CNNM4: variants seen among roughly 807,000 people sequenced by gnomAD.
CNNM4 encodes the protein metal transporter CNNM4.
In CNNM4, 32 loss-of-function variants were observed where a neutral mutation model predicts 53.7. The observed-to-expected ratio is 0.60, with a 90% confidence interval of 0.45 to 0.80. The LOEUF (loss-of-function observed/expected upper bound fraction) is 0.80. Ranked by LOEUF, CNNM4 falls within the 30% of genes least tolerant of loss-of-function variation. CNNM4 has a pLI of 0.00. For missense variants in CNNM4, 784 were observed against 1,022.0 expected (o/e 0.77, Z 3.17); for synonymous variants, 410 against 440.0 (o/e 0.93, Z 0.85).
Position 96,801,596 on chromosome 2 carries a change from ACACACACAGAGAC to A in CNNM4, c.1948+1967_1948+1979del, listed in dbSNP as rs532217109. On this transcript the variant is annotated intron_variant, in intron 5 of 6. Coordinates refer to ENST00000377075, the MANE Select transcript of CNNM4 (RefSeq NM_020184.4). The surrounding 1 kb of genome is among the most constrained non-coding windows in gnomAD (Gnocchi z 5.6). ...GAGATAGCACACACACAGAGAGACC[ACACACACAGAGAC>A]CACACACAGAGACCACACGCAGAGA... is the stretch of plus-strand genomic sequence containing the variant. Among the ~76,000 whole-genome samples, 147 of 150,016 alleles carry A rather than the reference ACACACACAGAGAC, an allele frequency of 9.8e-4. 2 individuals carry two copies. Among genetic ancestry groups the A allele is most frequent in the African/African-American group, 3.3e-3 (134 of 40,630 alleles).
At chr2:96,779,003 C>T (rs1199800745) in intron 1 of CNNM4, among the ~76,000 whole-genome samples, 1 of 152,054 alleles carries the variant, frequency 6.6e-6, no homozygotes, top group Non-Finnish European at 1.5e-5. Flanking sequence ...GTTGCCCAGG[C>T]TGGAGTGCAG....
At chr2:96,805,997 G>T (rs2079201139) in intron 5 of CNNM4, among the ~76,000 whole-genome samples, 1 of 151,082 alleles carries the variant, frequency 6.6e-6, no homozygotes, top group African/African-American at 2.4e-5. Context: ...CCGGGCAGAG[G>T]GGCTCCTCAC....
chr2:96,807,801 A>G (rs1441979508), intron 5 of CNNM4, among the ~76,000 whole-genome samples: 1 of 152,168 alleles, frequency 6.6e-6, no homozygotes, highest in African/African-American at 2.4e-5. Flanking sequence ...AGTGCAAACT[A>G]TACATTCTTC....
In CNNM4 at chr2:96,810,587, C is replaced by G. The variant is rs1011076502; in HGVS notation, c.*1070C>G. On this transcript the variant is annotated 3_prime_UTR_variant, in exon 7 of 7. Coordinates refer to ENST00000377075, the MANE Select transcript of CNNM4 (RefSeq NM_020184.4). This position sits in a 1 kb window ranked among gnomAD's most constrained non-coding sequence, Gnocchi z 4.1. ...TTGACTGAAGCCTTTTTCCCAGACCCCTTATTTCGAATCCCCAAGCTTCAG... is the reference window on the plus strand; with the variant it reads ...TTGACTGAAGCCTTTTTCCCAGACCGCTTATTTCGAATCCCCAAGCTTCAG... 2 of 152,574 alleles carry G rather than the reference C, an allele frequency of 1.3e-5. No homozygotes were observed. Among genetic ancestry groups the G allele is most frequent in the African/African-American group, 4.8e-5 (2 of 41,428 alleles). 9.5% of individuals were successfully genotyped at this position (152,574 alleles called of 1,614,324 possible).
chr2:96,780,065 G>A (rs2078960572), intron 1 of CNNM4, among the ~76,000 whole-genome samples: 1 of 152,124 alleles, frequency 6.6e-6, no homozygotes, highest in South Asian at 2.1e-4. Flanking sequence ...CTCCCAAAGT[G>A]CTGGGGTTAC....
intron 1 of CNNM4, among the ~76,000 whole-genome samples, chr2:96,789,951 G>C (rs2079046043): frequency 1.1e-5 from 1 of 87,020 alleles, no homozygotes; most frequent in Non-Finnish European, 2.2e-5. Flanking sequence ...CCCCGCCCCC[G>C]GCCCTCCAAA....
intron 1 of CNNM4, among the ~76,000 whole-genome samples, chr2:96,790,664 GTT>G (rs1324476055): frequency 6.9e-6 from 1 of 143,994 alleles, no homozygotes; most frequent in Admixed American, 6.9e-5. Context: ...TAATGGATGT[GTT>G]TTTTTTTTCT....
chr2:96,762,909 C>A (rs2078778769), intron 1 of CNNM4, among the ~76,000 whole-genome samples: 1 of 151,922 alleles, frequency 6.6e-6, no homozygotes. Context: ...AGCAGGTGGT[C>A]CTGTTTGGTG....
intron 1 of CNNM4, among the ~76,000 whole-genome samples, chr2:96,776,539 C>T (rs2078926035): frequency 6.6e-6 from 1 of 152,186 alleles, no homozygotes; most frequent in South Asian, 2.1e-4. Flanking sequence ...ACCATTATCA[C>T]CTACTGATCT....
intron 1 of CNNM4, among the ~76,000 whole-genome samples, chr2:96,791,253 C>T (rs886465728): frequency 1.3e-5 from 2 of 152,084 alleles, no homozygotes; most frequent in Non-Finnish European, 2.9e-5. Flanking sequence ...CAGGTGTAAG[C>T]CACAGCGCCC....
intron 1 of CNNM4, among the ~76,000 whole-genome samples, chr2:96,783,653 C>T (rs1445774076): frequency 1.3e-5 from 2 of 152,184 alleles, no homozygotes; most frequent in Non-Finnish European, 2.9e-5. Context: ...TATTAGGGAA[C>T]TTCAGAAAGT....
intron 5 of CNNM4, among the ~76,000 whole-genome samples, chr2:96,805,440 A>AATTTTTTTTT (rs2079194974): frequency 2.2e-4 from 19 of 87,392 alleles, no homozygotes; most frequent in South Asian, 4.2e-4. Context: ...TTTTTTTTTT[A>AATTTTTTTTT]TTATTTTTTT....
chr2:96,762,971 C>T lies in CNNM4; in HGVS notation c.1402+570C>T, dbSNP rs537656316. On this transcript the variant is annotated intron_variant, in intron 1 of 6. Coordinates refer to ENST00000377075, the MANE Select transcript of CNNM4 (RefSeq NM_020184.4). ...TCAATGGCTGGAGTAGTTTGGGGCCCGGTGGTGGACGCTAAGTTTGCTCCC... is the reference window on the plus strand; with the variant it reads ...TCAATGGCTGGAGTAGTTTGGGGCCTGGTGGTGGACGCTAAGTTTGCTCCC... Among the ~76,000 whole-genome samples, 258 of 152,038 alleles carry T rather than the reference C, an allele frequency of 1.7e-3. 1 individual carries two copies. The highest frequency in any genetic ancestry group is 5.9e-3 in the African/African-American group (246 of 41,480).
intron 3 of CNNM4, 48 bp from the exon 4 acceptor site, chr2:96,799,009 G>A (rs2079132477): frequency 6.3e-7 from 1 of 1,596,120 alleles, no homozygotes; most frequent in Non-Finnish European, 8.6e-7. Context: ...CGAGCTTTAG[G>A]GCCACCTGGC....
At chr2:96,805,440 A>AATTTTTTTTTTTTTTTTT (rs2079194974) in intron 5 of CNNM4, among the ~76,000 whole-genome samples, 6 of 87,478 alleles carry the variant, frequency 6.9e-5, no homozygotes, top group Non-Finnish European at 1.3e-4. Context: ...TTTTTTTTTT[A>AATTTTTTTTTTTTTTTTT]TTATTTTTTT....
At chr2:96,784,077 T>A (rs1205838284) in intron 1 of CNNM4, among the ~76,000 whole-genome samples, 1 of 152,130 alleles carries the variant, frequency 6.6e-6, no homozygotes, top group African/African-American at 2.4e-5. Context: ...AGAAAAAAAC[T>A]CTGTCTCTAC....
chr2:96,764,337 C>T (rs921356109), intron 1 of CNNM4, among the ~76,000 whole-genome samples: 1 of 152,170 alleles, frequency 6.6e-6, no homozygotes, highest in African/African-American at 2.4e-5. Flanking sequence ...GAGCCAGAGT[C>T]CCCAGGTTCA....
chr2:96,791,560 G>A (rs1423548285), intron 1 of CNNM4, among the ~76,000 whole-genome samples: 1 of 150,818 alleles, frequency 6.6e-6, no homozygotes, highest in Non-Finnish European at 1.5e-5. Context: ...CTGCACTTGA[G>A]CCTGGGCAAA....
intron 1 of CNNM4, among the ~76,000 whole-genome samples, chr2:96,787,509 G>A (rs2079025487): frequency 1.3e-5 from 2 of 152,018 alleles, no homozygotes; most frequent in South Asian, 4.1e-4. Context: ...CTTTTCTCCT[G>A]CAATTTAATA....
Sources: gnomAD v4.1 joint callset for allele counts (sites outside exome capture counted in the v4.1 genomes callset) on GRCh38, gnomAD v4.1.1 for gene constraint, Gnocchi (gnomAD v3.1) non-coding constraint, MANE v1.5 for transcripts, NCBI Gene and HGNC (gene_info 2026-07-23, HGNC 2026-07-21) for gene names.